The following GTF2H1 variants were observed in gnomAD, a reference collection of about 807,000 sequenced individuals.
GTF2H1 encodes general transcription factor IIH subunit 1.
In GTF2H1, 16 loss-of-function variants were observed where a neutral mutation model predicts 71.2. That is an observed-to-expected ratio of 0.22 (90% confidence interval 0.15 to 0.34). GTF2H1 has a LOEUF of 0.34. Among genes scored for constraint, GTF2H1 ranks in the 10% least tolerant of loss-of-function variants. The pLI, the probability that GTF2H1 is intolerant of heterozygous loss-of-function variation, is 1.00. For missense variants in GTF2H1, 498 were observed against 648.2 expected (o/e 0.77, Z 2.52); for synonymous variants, 215 against 219.0 (o/e 0.98, Z 0.16).
At chr11:18,362,325 G>C (rs983772957) in intron 14 of GTF2H1, among the ~76,000 whole-genome samples, 3 of 152,192 alleles carry the variant, frequency 2.0e-5, no homozygotes, top group Non-Finnish European at 4.4e-5. Context: ...TGCAGGACTA[G>C]AAGTTGCTCT....
rs1715784460 is a variant in GTF2H1, at chr11:18,351,339, T to C, written c.1054-542T>C. Among the ~76,000 whole-genome samples the C allele has an allele frequency of 5.3e-5, 8 of 150,710 alleles. No homozygotes were observed. The South Asian group carries it at 1.7e-3, about 32-fold the overall frequency. The stretch of plus-strand genomic sequence containing the variant: ...ACTTGTCGCCCAGGCTGGAACGCAG[T>C]GGCGTGATCTCAGCTCACTGCAACC... On this transcript the variant is annotated intron_variant, in intron 9 of 14. Coordinates refer to ENST00000265963, the MANE Select transcript of GTF2H1 (RefSeq NM_005316.4).
Position 18,366,652 on chromosome 11 carries a change from T to A in GTF2H1, c.*783T>A, listed in dbSNP as rs1865831213. 6.6e-6 allele frequency: 1 copy of A among 152,636 alleles called. No homozygotes were observed. Among genetic ancestry groups the A allele is most frequent in the Admixed American group, 6.5e-5 (1 of 15,274 alleles). 9.5% of individuals were successfully genotyped at this position (152,636 alleles called of 1,614,324 possible). A position where few individuals can be genotyped will look rare whatever the true frequency, so the allele number is the denominator to read the frequency against. ...TGTCAGAAGACAATGGCGCTGCATG[T>A]TTTTCTTTGAGTGCAAATGTACATT... is the stretch of plus-strand genomic sequence containing the variant. On this transcript the variant is annotated 3_prime_UTR_variant, in exon 15 of 15. Coordinates refer to ENST00000265963, the MANE Select transcript of GTF2H1 (RefSeq NM_005316.4).
rs1048121420 is a variant in GTF2H1 at position 18,341,191 on chromosome 11, C to T, written c.608-70C>T. On this transcript the variant is annotated intron_variant, in intron 5 of 14. Coordinates refer to ENST00000265963, the MANE Select transcript of GTF2H1 (RefSeq NM_005316.4). ...GGTCTAGATTTTGCTATTTGTATTT[C>T]AGTTACCTAATTTGAGAGGTTTTAA... 5.1e-5 allele frequency: 61 copies of T among 1,198,442 alleles called. No individual in the cohort carries two copies. The Admixed American group carries it at 8.1e-4, about 16-fold the overall frequency. 74.2% of individuals were successfully genotyped at this position (1,198,442 alleles called of 1,614,324 possible). A position where few individuals can be genotyped will look rare whatever the true frequency, so the allele number is the denominator to read the frequency against.
chr11:18,341,681 G>T, intron 7 of GTF2H1, 74 bp downstream of exon 7: 1 of 876,770 alleles, frequency 1.1e-6, no homozygotes, highest in East Asian at 2.5e-5. Context: ...AAGCGTAGTA[G>T]ACCTATTCCA....
chr11:18,363,407 T>G (rs1004017048), intron 14 of GTF2H1, among the ~76,000 whole-genome samples: 4 of 152,188 alleles, frequency 2.6e-5, no homozygotes, highest in Admixed American at 2.6e-4. Context: ...GAGTGAATAA[T>G]GTGCTGCTGT....
intron 11 of GTF2H1, among the ~76,000 whole-genome samples, chr11:18,352,860 T>C (rs1045956739): frequency 2.6e-5 from 4 of 152,250 alleles, no homozygotes; most frequent in Admixed American, 2.0e-4. Context: ...ATAATACTTC[T>C]TGATTCTATC....
At chr11:18,327,533 GGATTA>G (rs1348797959) in intron 1 of GTF2H1, among the ~76,000 whole-genome samples, 1 of 152,082 alleles carries the variant, frequency 6.6e-6, no homozygotes, top group East Asian at 1.9e-4. Context: ...CTACCTCATG[GGATTA>G]TTAACTGGGG....
At chr11:18,338,372 A>C in intron 4 of GTF2H1, 98 bp downstream of exon 4, 2 of 738,106 alleles carry the variant, frequency 2.7e-6, no homozygotes, top group Non-Finnish European at 2.3e-6. Flanking sequence ...GCATTTCCTT[A>C]AAGGAAAGTA....
chr11:18,349,175 A>G (rs1865370774), intron 9 of GTF2H1, among the ~76,000 whole-genome samples: 1 of 152,218 alleles, frequency 6.6e-6, no homozygotes, highest in Non-Finnish European at 1.5e-5. Context: ...GGTTACAGGC[A>G]TGAGCCACTG....
chr11:18,362,783 G>A (rs749038524), intron 14 of GTF2H1, among the ~76,000 whole-genome samples: 8 of 148,170 alleles, frequency 5.4e-5, no homozygotes, highest in Non-Finnish European at 1.2e-4. Context: ...CGATTCTCCC[G>A]CCTCAGCCTC....
chr11:18,360,778 T>C, intron 14 of GTF2H1, 71 bp downstream of exon 14: 3 of 818,336 alleles, frequency 3.7e-6, no homozygotes. Flanking sequence ...TGATTTTGCT[T>C]TCATGTAAAT....
intron 9 of GTF2H1, chr11:18,348,693 GATA>G (rs1865355912): frequency 6.6e-6 from 1 of 152,092 alleles, no homozygotes; most frequent in South Asian, 2.1e-4. Context: ...AAGCATTAAT[GATA>G]ATATTGCATC....
At chr11:18,339,530 T>G in intron 4 of GTF2H1, 34 bp from the exon 5 acceptor site, 1 of 1,449,778 alleles carries the variant, frequency 6.9e-7, no homozygotes, top group Non-Finnish European at 9.7e-7. Context: ...TCCCTGATGC[T>G]CTAACGTGTA....
At chr11:18,326,814 C>G (rs1864778770) in intron 1 of GTF2H1, among the ~76,000 whole-genome samples, 2 of 152,130 alleles carry the variant, frequency 1.3e-5, no homozygotes, top group Non-Finnish European at 2.9e-5. Context: ...TATTTGCCAA[C>G]TTCCCCGTCA....
intron 13 of GTF2H1, among the ~76,000 whole-genome samples, chr11:18,359,136 C>T (rs1190979215): frequency 1.3e-5 from 2 of 152,168 alleles, no homozygotes; most frequent in East Asian, 3.8e-4. Flanking sequence ...CCTCATTAAG[C>T]ACAATAGGCA....
intron 3 of GTF2H1, among the ~76,000 whole-genome samples, chr11:18,336,249 C>A (rs937176091): frequency 6.6e-6 from 1 of 152,092 alleles, no homozygotes; most frequent in African/African-American, 2.4e-5. Context: ...GTCTCAGCCT[C>A]CCGAGTAGCT....
In GTF2H1 at chr11:18,338,226, T is replaced by G. The variant is rs1865078061; in HGVS notation, c.465T>G (p.Ser155=). 6.2e-7 allele frequency: 1 copy of G among 1,610,080 alleles called. No homozygotes were observed. The highest frequency in any genetic ancestry group is 2.2e-5 in the East Asian group (1 of 44,838). ...TAAATGTGAATGCAACAGATAGTTC[T>G]TCCACATCCAATCATAAGCAGGATG... ...NRLNVNATDS[S]STSNHKQDVG... is the part of the protein sequence containing the mutation. The change falls in exon 4 of 15, where the codon TCT becomes TCG. Residue 155 remains serine, a synonymous_variant. Transcript: ENST00000265963.
At chr11:18,365,708 G>A in intron 14 of GTF2H1, 75 bp from the exon 15 acceptor site, 1 of 931,046 alleles carries the variant, frequency 1.1e-6, no homozygotes. Flanking sequence ...TCTGAAGTGT[G>A]TGCCAGATTT....
intron 7 of GTF2H1, among the ~76,000 whole-genome samples, chr11:18,343,636 AGTCT>A (rs1865215664): frequency 6.6e-6 from 1 of 152,200 alleles, no homozygotes; most frequent in South Asian, 2.1e-4. Context: ...GAATAACCAT[AGTCT>A]GTCTTTGACT....
Sources: gnomAD v4.1 joint callset for allele counts (sites outside exome capture counted in the v4.1 genomes callset) on GRCh38, gnomAD v4.1.1 for gene constraint, MANE v1.5 for transcripts, NCBI Gene and HGNC (gene_info 2026-07-23, HGNC 2026-07-21) for gene names.